PAH: variants seen among roughly 807,000 people sequenced by gnomAD.
PAH encodes phenylalanine-4-hydroxylase.
PAH carries 64 observed loss-of-function variants against 62.0 expected under a neutral mutation model. The ratio of observed to expected loss-of-function variants is 1.03; its 90% CI spans 0.84 to 1.27. The LOEUF (loss-of-function observed/expected upper bound fraction) is 1.27, where lower values mean the gene tolerates loss of function less well. PAH is among the 50% of genes most tolerant of loss of function. The pLI is 0.00. For missense variants in PAH, 579 were observed against 542.8 expected, an observed-to-expected ratio of 1.07 and a Z score of -0.66; for synonymous variants, 195 against 196.2, an observed-to-expected ratio of 0.99 and a Z score of 0.05.
chr12:102,895,869 A>ATAAATATATAT (rs1555208129), intron 2 of PAH, among the ~76,000 whole-genome samples: 1 of 118,744 alleles, frequency 8.4e-6, no homozygotes, highest in African/African-American at 3.6e-5. Flanking sequence ...AAAAAAAAAA[A>ATAAATATATAT]ATATATATAT....
At position 102,852,807 on chromosome 12, in the gene PAH, G is replaced by A. The variant is rs747113268; in HGVS notation, c.842+8C>T. The A allele has an allele frequency of 3.7e-6, 6 of 1,614,024 alleles. No homozygotes were observed. In the South Asian group the frequency reaches 5.5e-5, roughly 15 times the overall value. ...CCTGGCAACTGGTAGCTGGAGGACA[G>A]TACTCACGGTTCGGGGGTATACATG... On this transcript the variant is annotated splice_region_variant and intron_variant, in intron 7 of 12. Transcript: ENST00000553106.
At chr12:102,921,271 A>G (rs1286077810), upstream of PAH, among the ~76,000 whole-genome samples, 1 of 152,186 alleles carries the variant, frequency 6.6e-6, no homozygotes, top group Non-Finnish European at 1.5e-5. Context: ...ATAACTCATG[A>G]GTTTGAGCAT....
intron 5 of PAH, among the ~76,000 whole-genome samples, chr12:102,863,723 G>A (rs1314569716): frequency 6.6e-6 from 1 of 152,132 alleles, no homozygotes; most frequent in African/African-American, 2.4e-5. Context: ...GGCAAATAAT[G>A]AGATGCTGAA....
At chr12:102,899,283 G>A (rs1017114156) in intron 2 of PAH, among the ~76,000 whole-genome samples, 1 of 152,076 alleles carries the variant, frequency 6.6e-6, no homozygotes, top group African/African-American at 2.4e-5. Context: ...GGAGAGTTTT[G>A]GAAGGGAGGG....
At chr12:102,934,074 G>C (rs1879012129) in intron 1 of PAH, among the ~76,000 whole-genome samples, 1 of 151,856 alleles carries the variant, frequency 6.6e-6, no homozygotes, top group Admixed American at 6.6e-5. Flanking sequence ...CATAGTTTTA[G>C]GTCTTAAATT....
At chr12:102,855,405 G>A in intron 5 of PAH, 73 bp from the exon 6 acceptor site, 1 of 1,190,612 alleles carries the variant, frequency 8.4e-7, no homozygotes, top group Non-Finnish European at 1.2e-6. Flanking sequence ...GGTTAGCAGA[G>A]GGAGTCGGGG....
intron 2 of PAH, among the ~76,000 whole-genome samples, chr12:102,905,561 A>G (rs1877942091): frequency 6.6e-6 from 1 of 152,198 alleles, no homozygotes; most frequent in African/African-American, 2.4e-5. Flanking sequence ...AGGTTTTAGC[A>G]TAATAGACCT....
chr12:102,844,373 T>C lies in PAH; in HGVS notation c.1028A>G (p.Tyr343Cys), dbSNP rs62507265. ...LCKQGDSIKA[Y>C]GAGLLSSFGE... The stretch of plus-strand genomic sequence containing the variant: ...AAAGGATGACAGGAGCCCAGCACCA[T>C]ATGCCTTTATGGAGTCTCCTTGTTT... The change falls in exon 10 of 13, where the codon TAT becomes TGT. Residue 343 changes from tyrosine (Y) to cysteine (C), a missense_variant. Transcript: ENST00000553106. 2 of 1,613,802 alleles carry C rather than the reference T, an allele frequency of 1.2e-6. No individual in the cohort carries two copies. The highest frequency in any genetic ancestry group is 8.5e-7 in the Non-Finnish European group (1 of 1,179,718).
intron 1 of PAH, chr12:102,914,628 G>A (rs1348579554): frequency 6.6e-6 from 1 of 152,210 alleles, no homozygotes; most frequent in Non-Finnish European, 1.5e-5. Context: ...AAAGAATACT[G>A]AGCCTTCTTC....
At chr12:102,903,754 A>G (rs1195729385) in intron 2 of PAH, among the ~76,000 whole-genome samples, 3 of 152,310 alleles carry the variant, frequency 2.0e-5, no homozygotes, top group Admixed American at 6.5e-5. Flanking sequence ...GTCTTCATCA[A>G]TTGAATGATG....
At chr12:102,933,782 T>G (rs540657973) in intron 1 of PAH, among the ~76,000 whole-genome samples, 3 of 152,144 alleles carry the variant, frequency 2.0e-5, no homozygotes, top group Non-Finnish European at 4.4e-5. Flanking sequence ...TGCCCATTTT[T>G]CAATTGGATT....
At chr12:102,859,937 C>G (rs1264057741) in intron 5 of PAH, among the ~76,000 whole-genome samples, 1 of 152,236 alleles carries the variant, frequency 6.6e-6, no homozygotes, top group Non-Finnish European at 1.5e-5. Context: ...GATGCCCTCT[C>G]TCACTACTCC....
chr12:102,912,872 G>A lies in PAH; in HGVS notation c.87C>T (p.Cys29=). ...GQETSYIEDN[C]NQNGAISLIF... ...TCAGTGATATGGCACCATTTTGATT[G>A]CAGTTGTCTTCAATATAGCTTGTTT... The change falls in exon 2 of 13, where the codon TGC becomes TGT. Residue 29 remains cysteine (C), a synonymous_variant. Coordinates refer to ENST00000553106, the MANE Select transcript of PAH (RefSeq NM_000277.3). The A allele has an allele frequency of 6.2e-7, 1 of 1,612,864 alleles. No individual in the cohort carries two copies. The highest frequency in any genetic ancestry group is 8.5e-7 in the Non-Finnish European group (1 of 1,178,914).
chr12:102,865,918 TAACTC>T (rs1234677019), intron 5 of PAH, among the ~76,000 whole-genome samples: 1 of 152,188 alleles, frequency 6.6e-6, no homozygotes, highest in Non-Finnish European at 1.5e-5. Flanking sequence ...CTTAATCCCT[TAACTC>T]AGTAACAGCA....
rs1565859434 is a variant in PAH, at chr12:102,877,506, T to G, written c.397A>C (p.Asn133His). 1.9e-6 allele frequency: 3 copies of G among 1,614,124 alleles called. No individual in the cohort carries two copies. Among genetic ancestry groups the G allele is most frequent in the Non-Finnish European group, 2.5e-6 (3 of 1,180,012 alleles). The change falls in exon 4 of 13, where the codon AAT becomes CAT. Residue 133 changes from asparagine (N) to histidine (H), a missense_variant. Coordinates refer to ENST00000553106, the MANE Select transcript of PAH (RefSeq NM_000277.3). ...RTIQELDRFA[N>H]QILSYGAELD... is the part of the protein sequence containing the mutation. ...TCCGCTCCATAGCTGAGAATCTGAT[T>G]GGCAAATCTGTCCAGCTCTTGAATG...
intron 4 of PAH, among the ~76,000 whole-genome samples, 179 bp from the exon 5 acceptor site, chr12:102,866,842 C>T (rs1428384894): frequency 6.6e-6 from 1 of 152,174 alleles, no homozygotes; most frequent in Non-Finnish European, 1.5e-5. Context: ...GTGAGTGACA[C>T]CTTATTAGTA....
At chr12:102,958,270 G>A (rs1226278418) in exon 1 of PAH, 1 of 1,474,628 alleles carries the variant, frequency 6.8e-7, no homozygotes. Context: ...AAGATGGAGA[G>A]CGGCGGCGCC....
chr12:102,918,954 T>C (rs1029884724), upstream of PAH, among the ~76,000 whole-genome samples: 1 of 129,182 alleles, frequency 7.7e-6, no homozygotes, highest in African/African-American at 3.2e-5. Context: ...TCCAAAAATA[T>C]TACAGGCATG....
intron 3 of PAH, among the ~76,000 whole-genome samples, chr12:102,882,069 C>A (rs1876832443): frequency 6.6e-6 from 1 of 152,222 alleles, no homozygotes; most frequent in African/African-American, 2.4e-5. Flanking sequence ...CAACTGACAT[C>A]CCCACCAGCA....
Sources: allele counts gnomAD v4.1 joint callset (sites outside exome capture counted in the v4.1 genomes callset), GRCh38; gene constraint gnomAD v4.1.1; transcripts MANE v1.5; gene names NCBI Gene and HGNC (gene_info 2026-07-23, HGNC 2026-07-21).